The following MEIKIN variants were observed in gnomAD, a reference collection of about 807,000 sequenced individuals.
MEIKIN encodes meiotic kinetochore factor.
chr5:131,877,038 C>T (rs1580885725), intron 9 of MEIKIN, among the ~76,000 whole-genome samples: 1 of 151,394 alleles, frequency 6.6e-6, no homozygotes, highest in Non-Finnish European at 1.5e-5. Flanking sequence ...AGGAGATATA[C>T]CTAATGCTAA....
At chr5:131,915,947 A>C (rs1177057940) in intron 7 of MEIKIN, among the ~76,000 whole-genome samples, 1 of 152,204 alleles carries the variant, frequency 6.6e-6, no homozygotes. Flanking sequence ...GCTCCATTTC[A>C]ATACATAGGC....
intron 8 of MEIKIN, among the ~76,000 whole-genome samples, chr5:131,900,577 C>T (rs147550213): frequency 1.1e-3 from 171 of 152,194 alleles, no homozygotes; most frequent in African/African-American, 3.9e-3. Flanking sequence ...TAGCCAAGGA[C>T]GCCCATCCCC....
Position 131,942,653 on chromosome 5 carries a change from T to C in MEIKIN, c.331A>G (p.Asn111Asp). 1 of 398,552 alleles carries C rather than the reference T, an allele frequency of 2.5e-6. No homozygotes were observed. Among genetic ancestry groups the C allele is most frequent in the Non-Finnish European group, 4.4e-6 (1 of 225,790 alleles). 24.7% of individuals were successfully genotyped at this position (398,552 alleles called of 1,614,324 possible). A position where few individuals can be genotyped will look rare whatever the true frequency, so the allele number is the denominator to read the frequency against. Residue 111 changes from asparagine (N) to aspartate (D), a missense_variant, in exon 4 of 13, where the codon AAT becomes GAT. Coordinates refer to ENST00000442687, the MANE Select transcript of MEIKIN (RefSeq NM_001303622.2). ...DDLQVDSSSSNSELVSGLSLH... is the reference protein window; with the variant it reads ...DDLQVDSSSSDSELVSGLSLH... ...GTCTTACCTGATACTAGTTCACTATTTGATGAACTACTATCAACCTGGAGG... is the reference window on the plus strand; with the variant it reads ...GTCTTACCTGATACTAGTTCACTATCTGATGAACTACTATCAACCTGGAGG...
intron 5 of MEIKIN, among the ~76,000 whole-genome samples, chr5:131,924,017 T>C (rs1045090962): frequency 1.3e-5 from 2 of 152,118 alleles, no homozygotes; most frequent in African/African-American, 4.8e-5. Flanking sequence ...TCGAACATCA[T>C]CCTACTCTCT....
chr5:131,829,828 C>A (rs1164182212), intron 11 of MEIKIN, among the ~76,000 whole-genome samples: 1 of 152,090 alleles, frequency 6.6e-6, no homozygotes, highest in Non-Finnish European at 1.5e-5. Flanking sequence ...CTGAGTTTAA[C>A]AGAAGATAGA....
intron 5 of MEIKIN, among the ~76,000 whole-genome samples, chr5:131,922,684 T>A (rs1751524712): frequency 1.3e-5 from 2 of 152,144 alleles, no homozygotes; most frequent in African/African-American, 4.8e-5. Flanking sequence ...ATAAGGCTAT[T>A]ACCTGTATAT....
In MEIKIN at chr5:131,870,789, A is replaced by T. The variant is rs188875764; in HGVS notation, c.774+8189T>A. 2.8e-3 allele frequency among the ~76,000 whole-genome samples: 422 copies of T among 152,284 alleles called. 1 individual carries two copies. Among genetic ancestry groups the T allele is most frequent in the Non-Finnish European group, 4.0e-3 (271 of 68,012 alleles). On this transcript the variant is annotated intron_variant, in intron 9 of 12. Transcript: ENST00000442687. ...TCTCTCCTATCAAACACCCTAGTCA[A>T]AGCCACCACTATAGGTCACCAAAAA...
At chr5:131,876,946 T>C (rs1352770057) in intron 9 of MEIKIN, among the ~76,000 whole-genome samples, 3 of 131,376 alleles carry the variant, frequency 2.3e-5, no homozygotes, top group African/African-American at 8.7e-5. Context: ...AATTGAACAG[T>C]GAGAACACAT....
At position 131,899,543 on chromosome 5, in the gene MEIKIN, A is replaced by T. The variant is rs913755460; in HGVS notation, c.703+12272T>A. On this transcript the variant is annotated intron_variant, in intron 8 of 12. Coordinates refer to ENST00000442687, the MANE Select transcript of MEIKIN (RefSeq NM_001303622.2). ...AGACACAGAGTGGTTGAATGGATTTAAAAAAAAAAAAAAAAAAACAAGACC... is the reference window on the plus strand; with the variant it reads ...AGACACAGAGTGGTTGAATGGATTTTAAAAAAAAAAAAAAAAAACAAGACC... Among the ~76,000 whole-genome samples, 452 of 118,328 alleles carry T rather than the reference A, an allele frequency of 3.8e-3. 1 individual carries two copies. The highest frequency in any genetic ancestry group is 0.016 in the African/African-American group (416 of 25,588). 77.6% of individuals were successfully genotyped at this position (118,328 alleles called of 152,430 possible). A position where few individuals can be genotyped will look rare whatever the true frequency, so the allele number is the denominator to read the frequency against.
intron 5 of MEIKIN, among the ~76,000 whole-genome samples, chr5:131,922,226 T>C (rs1406307694): frequency 6.6e-6 from 1 of 152,226 alleles, no homozygotes; most frequent in Non-Finnish European, 1.5e-5. Context: ...TTATATTTTA[T>C]ATATGTTATA....
At position 131,898,409 on chromosome 5, in the gene MEIKIN, C is replaced by T. The variant is rs536155809; in HGVS notation, c.703+13406G>A. On this transcript the variant is annotated intron_variant, in intron 8 of 12. Transcript: ENST00000442687. ...GACCCACTTGAGGAGGCAGTCTGTCCATTCTCAGAGCTCAAACGCTGTGCT... is the reference window on the plus strand; with the variant it reads ...GACCCACTTGAGGAGGCAGTCTGTCTATTCTCAGAGCTCAAACGCTGTGCT... 1.6e-4 allele frequency among the ~76,000 whole-genome samples: 25 copies of T among 152,370 alleles called. 1 individual carries two copies. In the South Asian group the frequency reaches 5.0e-3, roughly 30 times the overall value.
intron 5 of MEIKIN, among the ~76,000 whole-genome samples, chr5:131,932,379 C>G (rs933961531): frequency 1.3e-5 from 2 of 152,210 alleles, no homozygotes; most frequent in Non-Finnish European, 2.9e-5. Flanking sequence ...GGGCAGCTCT[C>G]TGAAGTGAGC....
chr5:131,868,941 T>C (rs1472690373), intron 9 of MEIKIN, among the ~76,000 whole-genome samples: 2 of 152,250 alleles, frequency 1.3e-5, no homozygotes, highest in Non-Finnish European at 1.5e-5. Context: ...TATCTCATTA[T>C]CTTGACATTG....
chr5:131,828,214 C>G (rs1241348396), intron 11 of MEIKIN, among the ~76,000 whole-genome samples: 1 of 152,092 alleles, frequency 6.6e-6, no homozygotes, highest in Non-Finnish European at 1.5e-5. Context: ...TGCAGTGGCA[C>G]GATCTCACAA....
In MEIKIN at chr5:131,851,101, C is replaced by T. The variant is rs200537379; in HGVS notation, c.975+163G>A. 2.6e-5 allele frequency among the ~76,000 whole-genome samples: 4 copies of T among 152,092 alleles called. No individual in the cohort carries two copies. In the East Asian group the frequency reaches 7.7e-4, roughly 29 times the overall value. Reference sequence around the variant, plus strand: ...AATATACAATTTTGTGCATCAAAGACCCTAACCAAAGTGTAAAAAGGCAAC... The same window carrying T: ...AATATACAATTTTGTGCATCAAAGATCCTAACCAAAGTGTAAAAAGGCAAC... On this transcript the variant is annotated intron_variant, in intron 11 of 12. Coordinates refer to ENST00000442687, the MANE Select transcript of MEIKIN (RefSeq NM_001303622.2).
intron 8 of MEIKIN, among the ~76,000 whole-genome samples, chr5:131,893,676 C>T (rs1208495811): frequency 3.9e-5 from 6 of 152,204 alleles, no homozygotes; most frequent in South Asian, 2.1e-4. Flanking sequence ...CCATCTTCTG[C>T]GTCGCTCATG....
chr5:131,854,598 T>C (rs902643664), intron 10 of MEIKIN, among the ~76,000 whole-genome samples, 156 bp downstream of exon 10: 3 of 152,176 alleles, frequency 2.0e-5, no homozygotes, highest in African/African-American at 7.2e-5. Flanking sequence ...TGTATAGTAG[T>C]ATACAAAGTA....
At position 131,887,956 on chromosome 5, in the gene MEIKIN, G is replaced by A. The variant is rs865878656; in HGVS notation, c.704-8908C>T. ...TTCCCACCTATGAGTGAGAACATGC[G>A]GTGTTTGGTTTTTTGTCCTTGTGAT... On this transcript the variant is annotated intron_variant, in intron 8 of 12. Coordinates refer to ENST00000442687, the MANE Select transcript of MEIKIN (RefSeq NM_001303622.2). Among the ~76,000 whole-genome samples the A allele has an allele frequency of 2.4e-3, 320 of 134,782 alleles. 4 individuals are homozygous for A. Among genetic ancestry groups the A allele is most frequent in the African/African-American group, 8.8e-3 (288 of 32,568 alleles). 88.4% of individuals were successfully genotyped at this position (134,782 alleles called of 152,430 possible).
chr5:131,845,341 A>T (rs1333903553), intron 11 of MEIKIN, among the ~76,000 whole-genome samples: 2 of 150,642 alleles, frequency 1.3e-5, no homozygotes, highest in East Asian at 3.8e-4. Context: ...TCATTTCCAC[A>T]TTTACTACAT....
Sources: allele counts gnomAD v4.1 joint callset (sites outside exome capture counted in the v4.1 genomes callset), GRCh38; gene constraint gnomAD v4.1.1; transcripts MANE v1.5; gene names NCBI Gene and HGNC (gene_info 2026-07-23, HGNC 2026-07-21).